CNTN4: variants seen among roughly 807,000 people sequenced by gnomAD.
The protein encoded by CNTN4 is contactin 4, also known as contactin-4.
A neutral mutation model predicts 122.5 loss-of-function variants in CNTN4; 77 were observed. That is an observed-to-expected ratio of 0.63 (90% confidence interval 0.52 to 0.76). The LOEUF is 0.76. CNTN4 is among the 30% of genes least tolerant of loss of function. The probability of loss-of-function intolerance (pLI) is 0.00; values close to 1 mark genes in which losing one functional copy is unlikely to be tolerated. For synonymous variants in CNTN4, 512 were observed against 447.0 expected, an observed-to-expected ratio of 1.15 and a Z score of -1.83; for missense variants, 1,256 against 1,259.1, an observed-to-expected ratio of 1.00 and a Z score of 0.04.
chr3:2,307,227 A>T (rs1282481631), intron 2 of CNTN4, among the ~76,000 whole-genome samples: 1 of 152,132 alleles, frequency 6.6e-6, no homozygotes, highest in African/African-American at 2.4e-5. Flanking sequence ...CAAGGTCAGG[A>T]GATGAAGACC....
At chr3:2,340,207 G>C (rs2044129795) in intron 3 of CNTN4, among the ~76,000 whole-genome samples, 1 of 152,100 alleles carries the variant, frequency 6.6e-6, no homozygotes, top group African/African-American at 2.4e-5. Context: ...ACTCATAACA[G>C]TATGCCTAAA....
chr3:2,400,428 C>CATATATATATATATAT lies in CNTN4; in HGVS notation c.-89+61202_-89+61217dup, dbSNP rs58112641. Among the ~76,000 whole-genome samples the CATATATATATATATAT allele has an allele frequency of 1.5e-3, 142 of 95,774 alleles. 1 individual carries two copies. The highest frequency in any genetic ancestry group is 6.4e-3 in the Middle Eastern group (1 of 156). 62.8% of individuals were successfully genotyped at this position (95,774 alleles called of 152,430 possible). ...GAATATATATATATATATATATATA[C>CATATATATATATATAT]ATATATATATATATATATATATCTC... On this transcript the variant is annotated intron_variant, in intron 3 of 24. Coordinates refer to ENST00000418658, the MANE Select transcript of CNTN4 (RefSeq NM_175607.3).
At chr3:2,197,725 G>C (rs1465058959) in intron 2 of CNTN4, among the ~76,000 whole-genome samples, 2 of 152,046 alleles carry the variant, frequency 1.3e-5, no homozygotes, top group Admixed American at 6.6e-5. Context: ...TTTTAAACTA[G>C]AGAATTCTGT....
intron 13 of CNTN4, among the ~76,000 whole-genome samples, chr3:2,951,068 C>T (rs1417965882): frequency 6.6e-6 from 1 of 152,164 alleles, no homozygotes; most frequent in Non-Finnish European, 1.5e-5. Context: ...TGGTAACCAT[C>T]TTAGAAAGGG....
intron 2 of CNTN4, among the ~76,000 whole-genome samples, chr3:2,160,857 C>T (rs1412849101): frequency 6.6e-6 from 1 of 152,148 alleles, no homozygotes; most frequent in East Asian, 1.9e-4. Context: ...GTATTGAACA[C>T]CTTCCTTCTG....
At chr3:2,867,506 A>G (rs1340085323) in intron 8 of CNTN4, among the ~76,000 whole-genome samples, 1 of 152,190 alleles carries the variant, frequency 6.6e-6, no homozygotes, top group African/African-American at 2.4e-5. Context: ...ATGTGTAGTA[A>G]AAATCACTGT....
chr3:2,170,386 A>G (rs1163036899), intron 2 of CNTN4, among the ~76,000 whole-genome samples: 1 of 152,212 alleles, frequency 6.6e-6, no homozygotes, highest in East Asian at 1.9e-4. Flanking sequence ...GAAATACAAA[A>G]AAATTAGAAG....
chr3:2,417,563 A>G (rs1204077558), intron 3 of CNTN4, among the ~76,000 whole-genome samples: 2 of 152,200 alleles, frequency 1.3e-5, no homozygotes, highest in Non-Finnish European at 2.9e-5. Flanking sequence ...ACTAGCTAAT[A>G]AAATGAGATT....
At chr3:3,024,714 G>A (rs1401283385) in intron 14 of CNTN4, among the ~76,000 whole-genome samples, 4 of 152,050 alleles carry the variant, frequency 2.6e-5, no homozygotes, top group Admixed American at 2.6e-4. Context: ...TTTTCTTTCT[G>A]TAGTTGGATA....
intron 4 of CNTN4, among the ~76,000 whole-genome samples, chr3:2,601,732 A>G (rs533902129): frequency 3.3e-5 from 5 of 152,112 alleles, no homozygotes; most frequent in East Asian, 1.9e-4. Context: ...GTTTTTTCCA[A>G]TTCTGTGAAG....
intron 2 of CNTN4, among the ~76,000 whole-genome samples, chr3:2,268,181 G>A (rs1318373457): frequency 6.6e-6 from 1 of 152,076 alleles, no homozygotes; most frequent in Non-Finnish European, 1.5e-5. Flanking sequence ...ATACAGGTAG[G>A]ACTATTCTCT....
chr3:2,746,184 T>C (rs891457004), intron 6 of CNTN4, among the ~76,000 whole-genome samples: 3 of 108,718 alleles, frequency 2.8e-5, no homozygotes, highest in East Asian at 5.4e-4. Context: ...AGAAATACTT[T>C]AACGATAAAG....
chr3:2,498,939 A>G (rs1029469482), intron 3 of CNTN4, among the ~76,000 whole-genome samples: 16 of 151,844 alleles, frequency 1.1e-4, no homozygotes, highest in Admixed American at 6.6e-5. Context: ...ACAGGCGTGC[A>G]CCACCACACC....
intron 7 of CNTN4, among the ~76,000 whole-genome samples, chr3:2,847,921 A>C (rs531105716): frequency 3.3e-5 from 5 of 152,316 alleles, no homozygotes; most frequent in African/African-American, 1.2e-4. Flanking sequence ...GATTTGCCCA[A>C]GACCACACAG....
intron 12 of CNTN4, among the ~76,000 whole-genome samples, chr3:2,925,133 A>T (rs535110978): frequency 1.3e-5 from 2 of 152,212 alleles, no homozygotes; most frequent in Non-Finnish European, 2.9e-5. Context: ...TACACACACA[A>T]ATGTACCTTT....
At chr3:2,673,737 T>C (rs1375434076) in intron 4 of CNTN4, among the ~76,000 whole-genome samples, 1 of 151,838 alleles carries the variant, frequency 6.6e-6, no homozygotes, top group African/African-American at 2.4e-5. Context: ...AGAGACAGGG[T>C]TTCACCATGT....
intron 2 of CNTN4, among the ~76,000 whole-genome samples, chr3:2,118,795 A>G (rs13317059): frequency 0.026 from 4,001 of 152,334 alleles, 182 homozygotes; most frequent in African/African-American, 0.091. Context: ...GTCCGAATGC[A>G]TGCTTATTAG....
At chr3:2,968,805 C>T (rs541768758) in intron 13 of CNTN4, among the ~76,000 whole-genome samples, 28 of 152,148 alleles carry the variant, frequency 1.8e-4, no homozygotes, top group Non-Finnish European at 2.9e-4. Context: ...ATGTTGACCC[C>T]CTTCTTCTGG....
chr3:2,446,820 TGAGAAAACCTCTCTGCAGTATTG>T (rs1165579062), intron 3 of CNTN4, among the ~76,000 whole-genome samples: 8 of 152,216 alleles, frequency 5.3e-5, no homozygotes, highest in African/African-American at 1.2e-4. Context: ...TAAGGCAGGT[TGAGAAAACCTCTCTGCAGTATTG>T]GAGAAAGCCA....
Sources: allele counts gnomAD v4.1 joint callset (sites outside exome capture counted in the v4.1 genomes callset), GRCh38; gene constraint gnomAD v4.1.1; transcripts MANE v1.5; gene names NCBI Gene and HGNC (gene_info 2026-07-23, HGNC 2026-07-21).